The following BORCS5 variants were observed in gnomAD, a reference collection of about 807,000 sequenced individuals.
The protein encoded by BORCS5 is BLOC-1-related complex subunit 5.
In BORCS5, 17 loss-of-function variants were observed where a neutral mutation model predicts 22.1. That is an observed-to-expected ratio of 0.77 (90% CI 0.53 to 1.15). The LOEUF (loss-of-function observed/expected upper bound fraction) is 1.15, where lower values mean the gene tolerates loss of function less well. Ranked by LOEUF, BORCS5 falls within the 50% of genes most tolerant of loss-of-function variation. The pLI, the probability that BORCS5 is intolerant of heterozygous loss-of-function variation, is 0.00. For synonymous variants in BORCS5, 117 were observed against 99.8 expected, an observed-to-expected ratio of 1.17 and a Z score of -1.03; for missense variants, 247 against 253.2, an observed-to-expected ratio of 0.98 and a Z score of 0.17.
At chr12:12,433,348 AGG>A (rs1565909849) in intron 2 of BORCS5, among the ~76,000 whole-genome samples, 12 of 126,142 alleles carry the variant, frequency 9.5e-5, no homozygotes, top group African/African-American at 3.4e-4. Context: ...AAAAAAAAAA[AGG>A]AAATCTGCCC....
intron 2 of BORCS5, among the ~76,000 whole-genome samples, chr12:12,418,153 A>G (rs1942018909): frequency 6.6e-6 from 1 of 150,404 alleles, no homozygotes; most frequent in African/African-American, 2.4e-5. Context: ...CTTCCTGAGT[A>G]GCTGGGACTA....
chr12:12,439,179 G>A (rs753039664), intron 3 of BORCS5, among the ~76,000 whole-genome samples: 2 of 152,228 alleles, frequency 1.3e-5, no homozygotes, highest in African/African-American at 2.4e-5. Context: ...AAATTCTGAT[G>A]TCTGGGTCTC....
At chr12:12,408,933 G>A (rs1035332521) in intron 2 of BORCS5, among the ~76,000 whole-genome samples, 1 of 152,020 alleles carries the variant, frequency 6.6e-6, no homozygotes, top group Non-Finnish European at 1.5e-5. Context: ...CCCTGCTTTT[G>A]ATTCTTTTGG....
chr12:12,370,099 T>TACACACACACACACAC (rs56408181), intron 2 of BORCS5, among the ~76,000 whole-genome samples: 64 of 145,408 alleles, frequency 4.4e-4, no homozygotes, highest in African/African-American at 1.4e-3. Context: ...AGTGGTTTTA[T>TACACACACACACACAC]ACACACACAC....
chr12:12,375,069 T>C (rs1863619437), intron 2 of BORCS5, among the ~76,000 whole-genome samples: 1 of 150,292 alleles, frequency 6.7e-6, no homozygotes, highest in Non-Finnish European at 1.5e-5. Context: ...TGGAGTGCAA[T>C]GGCGCCATCT....
chr12:12,422,697 C>T (rs1052302611), intron 2 of BORCS5, among the ~76,000 whole-genome samples: 15 of 152,088 alleles, frequency 9.9e-5, no homozygotes, highest in Non-Finnish European at 1.5e-4. Flanking sequence ...TGCTCCTTTC[C>T]AGCTTAGTTT....
Position 12,469,324 on chromosome 12 carries a change from C to G in BORCS5, c.*3548C>G, listed in dbSNP as rs1037537077. 6.6e-6 allele frequency: 1 copy of G among 152,256 alleles called. No individual in the cohort carries two copies. Among genetic ancestry groups the G allele is most frequent in the African/African-American group, 2.4e-5 (1 of 41,462 alleles). The allele number at this position is 152,256 out of a possible 1,614,324, so 9.4% of individuals were successfully genotyped here. ...TGAGCCAAGTTCGTGCCATTGCACT[C>G]TGGCCTGGGTAACAAGAGTGAAACT... is the stretch of plus-strand genomic sequence containing the variant. On this transcript the variant is annotated 3_prime_UTR_variant, in exon 4 of 4. Coordinates refer to ENST00000314565, the MANE Select transcript of BORCS5 (RefSeq NM_058169.6).
intron 2 of BORCS5, among the ~76,000 whole-genome samples, chr12:12,417,250 G>T (rs754113460): frequency 2.0e-5 from 3 of 151,846 alleles, no homozygotes; most frequent in African/African-American, 7.3e-5. Flanking sequence ...GTTCTTTACC[G>T]TCCACAAATT....
At chr12:12,374,434 A>ACTAG (rs1203047164) in intron 2 of BORCS5, among the ~76,000 whole-genome samples, 1 of 150,940 alleles carries the variant, frequency 6.6e-6, no homozygotes, top group Non-Finnish European at 1.5e-5. Flanking sequence ...GAAGTTTGAG[A>ACTAG]CCAGCCTGAA....
chr12:12,383,893 C>T (rs573456246), intron 2 of BORCS5, among the ~76,000 whole-genome samples: 2 of 151,282 alleles, frequency 1.3e-5, no homozygotes, highest in South Asian at 2.1e-4. Context: ...TTCTTTCCTT[C>T]TGGGATTTCC....
At position 12,405,937 on chromosome 12, in the gene BORCS5, C is replaced by G. The variant is rs150552028; in HGVS notation, c.203-29691C>G. 2.0e-3 allele frequency among the ~76,000 whole-genome samples: 307 copies of G among 152,360 alleles called. 2 individuals are homozygous for G. Among genetic ancestry groups the G allele is most frequent in the African/African-American group, 7.1e-3 (295 of 41,584 alleles). On this transcript the variant is annotated intron_variant, in intron 2 of 3. Transcript: ENST00000314565. Reference sequence around the variant, plus strand: ...AGCTCTAGAATCGTGTTTTGGGCTACCTAGCCAAGTAAAATGGCCAAGATC... The same window carrying G: ...AGCTCTAGAATCGTGTTTTGGGCTAGCTAGCCAAGTAAAATGGCCAAGATC...
intron 3 of BORCS5, among the ~76,000 whole-genome samples, chr12:12,465,037 T>C (rs1943173435): frequency 6.6e-6 from 1 of 152,148 alleles, no homozygotes; most frequent in Non-Finnish European, 1.5e-5. Context: ...AGTGGCATGA[T>C]CATGGCTCAC....
At chr12:12,374,932 G>GT in intron 2 of BORCS5, among the ~76,000 whole-genome samples, 1 of 149,946 alleles carries the variant, frequency 6.7e-6, no homozygotes, top group Non-Finnish European at 1.5e-5. Flanking sequence ...TCCAGCCTGG[G>GT]TGACAGAGTG....
Position 12,357,476 on chromosome 12 carries a change from G to A in BORCS5, c.25G>A (p.Ala9Thr), listed in dbSNP as rs1239297962. The change falls in exon 1 of 4, where the codon GCC (alanine) becomes ACC (threonine). Residue 9 changes from alanine to threonine, a missense_variant. Coordinates refer to ENST00000314565, the MANE Select transcript of BORCS5 (RefSeq NM_058169.6). MGSEQSSE[A>T]ESRPNDLNSS... The stretch of plus-strand genomic sequence containing the variant: ...CATGGGCAGTGAGCAGAGCTCCGAG[G>A]CCGAGAGCCGACCCAACGATCTGAA... 6.2e-7 allele frequency: 1 copy of A among 1,611,224 alleles called. No individual in the cohort carries two copies. Among genetic ancestry groups the A allele is most frequent in the East Asian group, 2.2e-5 (1 of 44,782 alleles).
intron 2 of BORCS5, among the ~76,000 whole-genome samples, chr12:12,398,085 G>A (rs1321252552): frequency 6.6e-6 from 1 of 152,138 alleles, no homozygotes; most frequent in African/African-American, 2.4e-5. Context: ...ATAGCGCTTT[G>A]GGTCATAGAA....
intron 2 of BORCS5, among the ~76,000 whole-genome samples, chr12:12,361,566 T>C (rs1863287878): frequency 6.6e-6 from 1 of 152,248 alleles, no homozygotes; most frequent in African/African-American, 2.4e-5. Flanking sequence ...ATCATTGACC[T>C]ATTGCAAATA....
chr12:12,405,212 A>G (rs1941569115), intron 2 of BORCS5, among the ~76,000 whole-genome samples: 1 of 152,222 alleles, frequency 6.6e-6, no homozygotes, highest in Admixed American at 6.5e-5. Flanking sequence ...CTGTGTTGCT[A>G]CTGAAAACAT....
At position 12,470,753 on chromosome 12, in the gene BORCS5, A is replaced by G. The variant is rs1236694394; in HGVS notation, c.*4977A>G. Among the ~76,000 whole-genome samples, 1 of 151,360 alleles carries G rather than the reference A, an allele frequency of 6.6e-6. No homozygotes were observed. Among genetic ancestry groups the G allele is most frequent in the Non-Finnish European group, 1.5e-5 (1 of 67,920 alleles). The stretch of plus-strand genomic sequence containing the variant: ...TACAGAGGGAAAGGGTAGCCAGATA[A>G]TTATCCACATGCTTCAAACCAAAAA... On this transcript the variant is annotated 3_prime_UTR_variant, in exon 4 of 4. Coordinates refer to ENST00000314565, the MANE Select transcript of BORCS5 (RefSeq NM_058169.6).
intron 2 of BORCS5, among the ~76,000 whole-genome samples, chr12:12,403,119 A>G (rs972822301): frequency 6.6e-6 from 1 of 152,048 alleles, no homozygotes; most frequent in African/African-American, 2.4e-5. Flanking sequence ...TCCTTGTACA[A>G]CCTATTAGGG....
Sources: allele counts gnomAD v4.1 joint callset (sites outside exome capture counted in the v4.1 genomes callset), GRCh38; gene constraint gnomAD v4.1.1; transcripts MANE v1.5; gene names NCBI Gene and HGNC (gene_info 2026-07-23, HGNC 2026-07-21).